The following TFEC variants were observed in gnomAD, a reference collection of about 807,000 sequenced individuals.
The protein encoded by TFEC is class E basic helix-loop-helix protein 34.
A neutral mutation model predicts 41.6 loss-of-function variants in TFEC; 31 were observed. The ratio of observed to expected loss-of-function variants is 0.74; its 90% CI spans 0.56 to 1.01. The LOEUF (loss-of-function observed/expected upper bound fraction) is 1.01, where lower values mean the gene tolerates loss of function less well. Ranked by LOEUF, TFEC falls within the 50% of genes least tolerant of loss-of-function variation. The pLI, the probability that TFEC is intolerant of heterozygous loss-of-function variation, is 0.00. For synonymous variants in TFEC, 143 were observed against 140.6 expected, an observed-to-expected ratio of 1.02 and a Z score of -0.12; for missense variants, 402 against 404.1, an observed-to-expected ratio of 0.99 and a Z score of 0.04.
intron 1 of TFEC, among the ~76,000 whole-genome samples, chr7:116,151,013 T>C (rs940440157): frequency 3.3e-5 from 5 of 152,248 alleles, no homozygotes; most frequent in Non-Finnish European, 7.4e-5. Flanking sequence ...TAAACATAAT[T>C]TTATCCAAAC....
chr7:116,046,036 C>A (rs1796154960), intron 3 of TFEC, among the ~76,000 whole-genome samples: 1 of 152,198 alleles, frequency 6.6e-6, no homozygotes, highest in Non-Finnish European at 1.5e-5. Context: ...TACCTAATAC[C>A]TGTACCTCCA....
At chr7:116,025,316 C>G (rs1239752426) in intron 1 of TFEC, among the ~76,000 whole-genome samples, 1 of 152,114 alleles carries the variant, frequency 6.6e-6, no homozygotes, top group Non-Finnish European at 1.5e-5. Flanking sequence ...TTGTTATGTT[C>G]TGTACTCTGA....
At chr7:116,105,804 A>C (rs1233362585) in intron 3 of TFEC, among the ~76,000 whole-genome samples, 1 of 152,064 alleles carries the variant, frequency 6.6e-6, no homozygotes, top group Non-Finnish European at 1.5e-5. Context: ...TAAAGTCACC[A>C]CTTTACAAAA....
chr7:116,084,707 T>C (rs1278975082), intron 3 of TFEC, among the ~76,000 whole-genome samples: 1 of 151,960 alleles, frequency 6.6e-6, no homozygotes, highest in Non-Finnish European at 1.5e-5. Context: ...TCCTGGGATA[T>C]GTCACATCAT....
At chr7:116,103,468 T>C (rs1406385058) in intron 3 of TFEC, among the ~76,000 whole-genome samples, 1 of 152,182 alleles carries the variant, frequency 6.6e-6, no homozygotes, top group East Asian at 1.9e-4. Flanking sequence ...GATGGGTAGC[T>C]GTTCAATCTA....
chr7:115,974,874 A>G (rs146031041), intron 2 of TFEC, among the ~76,000 whole-genome samples: 1 of 152,076 alleles, frequency 6.6e-6, no homozygotes, highest in Admixed American at 6.6e-5. Context: ...CATTTTAAAT[A>G]GTAACAATAA....
chr7:115,963,122 A>G (rs1283337899), intron 3 of TFEC, among the ~76,000 whole-genome samples: 1 of 151,148 alleles, frequency 6.6e-6, no homozygotes, highest in Non-Finnish European at 1.5e-5. Context: ...TGTCCTTGTG[A>G]TAGTTTGCTT....
At chr7:116,132,738 A>G (rs1373184036) in intron 1 of TFEC, among the ~76,000 whole-genome samples, 3 of 152,268 alleles carry the variant, frequency 2.0e-5, no homozygotes, top group Non-Finnish European at 4.4e-5. Context: ...CTCGGGAACT[A>G]TAGAACATTC....
intron 3 of TFEC, among the ~76,000 whole-genome samples, chr7:116,087,820 C>A (rs1263145948): frequency 6.6e-6 from 1 of 152,088 alleles, no homozygotes; most frequent in Admixed American, 6.6e-5. Flanking sequence ...CAAACCCATT[C>A]TGTTGTTGCA....
intron 5 of TFEC, 43 bp from the exon 6 acceptor site, chr7:115,950,992 A>G: frequency 7.9e-7 from 1 of 1,273,772 alleles, no homozygotes; most frequent in Non-Finnish European, 1.1e-6. Context: ...ATTAATGCAC[A>G]GTTCACTTTT....
Position 116,133,559 on chromosome 7 carries a change from G to T in TFEC, c.-68-21521C>A, listed in dbSNP as rs534204601. Among the ~76,000 whole-genome samples the T allele has an allele frequency of 4.4e-3, 668 of 151,910 alleles. 4 individuals are homozygous for T. Among genetic ancestry groups the T allele is most frequent in the African/African-American group, 0.015 (635 of 41,468 alleles). On this transcript the variant is annotated intron_variant, in intron 1 of 8. Transcript: ENST00000484212. ...TCAGAAAAAAAAAAAAAAAGTAGGGGGATGGGGAAAAACATTCTTTGCCAA... is the reference window on the plus strand; with the variant it reads ...TCAGAAAAAAAAAAAAAAAGTAGGGTGATGGGGAAAAACATTCTTTGCCAA...
chr7:116,004,534 G>A (rs935077818), intron 1 of TFEC, among the ~76,000 whole-genome samples: 4 of 152,078 alleles, frequency 2.6e-5, no homozygotes, highest in African/African-American at 4.8e-5. Context: ...AAAAGAGAAG[G>A]GTAGGCATGT....
chr7:116,143,807 G>A (rs187810951), intron 1 of TFEC, among the ~76,000 whole-genome samples: 17 of 152,284 alleles, frequency 1.1e-4, no homozygotes, highest in Admixed American at 1.1e-3. Flanking sequence ...TTTAGTACAG[G>A]TTTATGGGGA....
intron 6 of TFEC, among the ~76,000 whole-genome samples, chr7:115,950,418 A>C (rs1297362307): frequency 3.3e-5 from 5 of 152,168 alleles, no homozygotes; most frequent in Non-Finnish European, 5.9e-5. Flanking sequence ...AGCATCAATC[A>C]ATATGCTTTT....
At chr7:115,994,390 A>G (rs1242076864) in intron 1 of TFEC, among the ~76,000 whole-genome samples, 4 of 152,244 alleles carry the variant, frequency 2.6e-5, no homozygotes, top group Non-Finnish European at 5.9e-5. Context: ...TCCGCACAGC[A>G]ATGGAAACTA....
intron 3 of TFEC, among the ~76,000 whole-genome samples, chr7:116,049,095 A>G (rs1280444155): frequency 6.6e-6 from 1 of 152,190 alleles, no homozygotes; most frequent in Non-Finnish European, 1.5e-5. Flanking sequence ...TAACCAGCTA[A>G]CATCATAATG....
chr7:116,081,896 G>A (rs1797098781), intron 3 of TFEC, among the ~76,000 whole-genome samples: 1 of 151,954 alleles, frequency 6.6e-6, no homozygotes, highest in African/African-American at 2.4e-5. Context: ...CTTGATTAAT[G>A]TTTACCTCTC....
intron 1 of TFEC, among the ~76,000 whole-genome samples, chr7:116,154,032 T>G (rs1002923704): frequency 1.3e-5 from 2 of 152,236 alleles, no homozygotes; most frequent in Non-Finnish European, 2.9e-5. Context: ...GAAGAGTGTT[T>G]CTGCTCTTAG....
intron 3 of TFEC, among the ~76,000 whole-genome samples, chr7:116,066,866 CAAGT>C (rs1350300560): frequency 1.3e-5 from 2 of 151,840 alleles, no homozygotes; most frequent in Non-Finnish European, 2.9e-5. Context: ...TTACACAGTG[CAAGT>C]ATGTATCCTA....
Sources: gnomAD v4.1 joint callset for allele counts (sites outside exome capture counted in the v4.1 genomes callset) on GRCh38, gnomAD v4.1.1 for gene constraint, MANE v1.5 for transcripts, NCBI Gene and HGNC (gene_info 2026-07-23, HGNC 2026-07-21) for gene names.